Variants in GDA observed in about 807,000 individuals in gnomAD.
The protein encoded by GDA is cytoplasmic PSD-95 interactor.
GDA carries 18 observed loss-of-function variants against 59.6 expected under a neutral mutation model. That is an observed-to-expected ratio of 0.30 (90% confidence interval 0.21 to 0.45). The LOEUF is 0.45. Among genes scored for constraint, GDA ranks in the 20% least tolerant of loss-of-function variants. The pLI is 1.00. For missense variants in GDA, 427 were observed against 552.3 expected (o/e 0.77, Z 2.27); for synonymous variants, 201 against 201.1 (o/e 1.00, Z 0.00).
At chr9:72,125,424 C>T (rs11143122) in intron 1 of GDA, among the ~76,000 whole-genome samples, 68,399 of 149,788 alleles carry the variant, frequency 0.46, 17,715 homozygotes, top group Non-Finnish European at 0.59. Flanking sequence ...GGCACGATCA[C>T]GACACACTGC....
chr9:72,201,002 A>G (rs1346853862), intron 2 of GDA, among the ~76,000 whole-genome samples: 1 of 152,090 alleles, frequency 6.6e-6, no homozygotes, highest in Admixed American at 6.6e-5. Context: ...TATGTAAAGG[A>G]GGGTAACAGT....
chr9:72,124,539 G>A (rs1472044071), intron 1 of GDA, among the ~76,000 whole-genome samples: 1 of 152,024 alleles, frequency 6.6e-6, no homozygotes, highest in East Asian at 1.9e-4. Flanking sequence ...GTAGAAAAAA[G>A]GGCTTTAATT....
intron 1 of GDA, among the ~76,000 whole-genome samples, chr9:72,165,307 A>G (rs1254932031): frequency 6.6e-6 from 1 of 152,240 alleles, no homozygotes; most frequent in Non-Finnish European, 1.5e-5. Context: ...AGCCTTCTTA[A>G]TAATCATTTT....
At chr9:72,252,332 AAATAG>A (rs200549809), downstream of GDA, 37 of 152,550 alleles carry the variant, frequency 2.4e-4, no homozygotes, top group East Asian at 3.9e-3. Context: ...GAATTTAAAA[AAATAG>A]AATAGAATAC....
chr9:72,252,392 A>G (rs983711329), downstream of GDA, among the ~76,000 whole-genome samples: 9 of 152,196 alleles, frequency 5.9e-5, no homozygotes, highest in Non-Finnish European at 1.3e-4. Flanking sequence ...AATAGTCACT[A>G]TACATAGCTT....
At chr9:72,186,387 T>C (rs1428398065) in intron 1 of GDA, among the ~76,000 whole-genome samples, 1 of 152,158 alleles carries the variant, frequency 6.6e-6, no homozygotes, top group Non-Finnish European at 1.5e-5. Context: ...AGATATTCCC[T>C]CTGCCTGGAA....
At chr9:72,257,908 G>A (rs1202031281), downstream of GDA, 1 of 151,308 alleles carries the variant, frequency 6.6e-6, no homozygotes, top group Admixed American at 6.6e-5. Context: ...CTCCAGCCTG[G>A]GTGACAGAGC....
intron 1 of GDA, among the ~76,000 whole-genome samples, chr9:72,124,732 T>C (rs1379537735): frequency 6.6e-6 from 1 of 152,148 alleles, no homozygotes; most frequent in Non-Finnish European, 1.5e-5. Context: ...TGTTGTTATA[T>C]GATGGAGGTG....
chr9:72,228,318 A>G (rs1293708798), intron 9 of GDA: 3 of 362,060 alleles, frequency 8.3e-6, no homozygotes, highest in Non-Finnish European at 1.5e-5. Context: ...AAAAATTTAC[A>G]GTGAAAGTAC....
downstream of GDA, among the ~76,000 whole-genome samples, chr9:72,254,863 G>GT (rs911014610): frequency 3.3e-5 from 5 of 152,138 alleles, no homozygotes; most frequent in African/African-American, 1.2e-4. Context: ...GGTGATTTTT[G>GT]TTTTTGTTTT....
chr9:72,245,305 G>A (rs763142675), intron 12 of GDA, 27 bp downstream of exon 12: 6 of 1,568,054 alleles, frequency 3.8e-6, no homozygotes, highest in East Asian at 4.5e-5. Context: ...TAATCAAAAG[G>A]CATTTATTTC....
At chr9:72,167,285 C>T (rs1829430247) in intron 1 of GDA, among the ~76,000 whole-genome samples, 1 of 152,090 alleles carries the variant, frequency 6.6e-6, no homozygotes, top group Non-Finnish European at 1.5e-5. Context: ...TACCTTTCTT[C>T]CCTGCTATAT....
intron 1 of GDA, among the ~76,000 whole-genome samples, chr9:72,170,762 A>G (rs1431198859): frequency 6.6e-6 from 1 of 152,142 alleles, no homozygotes; most frequent in Non-Finnish European, 1.5e-5. Flanking sequence ...GGCCACAAAG[A>G]TGAAGGCGCC....
At chr9:72,248,039 T>C (rs1006300962) in intron 13 of GDA, among the ~76,000 whole-genome samples, 2 of 152,168 alleles carry the variant, frequency 1.3e-5, no homozygotes, top group Non-Finnish European at 2.9e-5. Flanking sequence ...TTCAACTTTA[T>C]GTGATTTCTG....
rs185266938 is a variant in GDA at position 72,121,553 on chromosome 9, C to T, written c.-100+6720C>T. Among the ~76,000 whole-genome samples, 325 of 152,248 alleles carry T rather than the reference C, an allele frequency of 2.1e-3. 8 individuals carry two copies. The highest frequency in any genetic ancestry group is 2.2e-3 in the Non-Finnish European group (149 of 68,010). On this transcript the variant is annotated intron_variant, in intron 1 of 13. Coordinates refer to the GDA transcript ENST00000545168. The stretch of plus-strand genomic sequence containing the variant: ...CGGAGGTTGCAGTGAGCTGAGATCG[C>T]GCCATTGCACTCCAGCCTGGGTGAC...
At chr9:72,207,087 AT>A (rs1475651176) in intron 3 of GDA, among the ~76,000 whole-genome samples, 5 of 152,130 alleles carry the variant, frequency 3.3e-5, no homozygotes, top group African/African-American at 1.2e-4. Context: ...TTTTTTCTTC[AT>A]TCCTGATATT....
intron 6 of GDA, among the ~76,000 whole-genome samples, chr9:72,222,638 CAT>C (rs1300648039): frequency 6.6e-6 from 1 of 151,978 alleles, no homozygotes; most frequent in Non-Finnish European, 1.5e-5. Context: ...AATCTTTTCC[CAT>C]GCCTATGTCC....
intron 1 of GDA, among the ~76,000 whole-genome samples, chr9:72,154,365 T>C (rs1226926738): frequency 6.6e-6 from 1 of 152,240 alleles, no homozygotes; most frequent in African/African-American, 2.4e-5. Flanking sequence ...TGGCACTTAG[T>C]GGATACTTAA....
chr9:72,245,465 A>T (rs945970365), intron 12 of GDA, among the ~76,000 whole-genome samples, 187 bp downstream of exon 12: 9 of 152,240 alleles, frequency 5.9e-5, no homozygotes, highest in Non-Finnish European at 1.2e-4. Flanking sequence ...TGGTGTTAAC[A>T]AAACTTTTAT....
Sources: allele counts gnomAD v4.1 joint callset (sites outside exome capture counted in the v4.1 genomes callset), GRCh38; gene constraint gnomAD v4.1.1; transcripts MANE v1.5; gene names NCBI Gene and HGNC (gene_info 2026-07-23, HGNC 2026-07-21).